SLC1A2: variants seen among roughly 807,000 people sequenced by gnomAD.
The protein encoded by SLC1A2 is solute carrier family 1 member 2.
In SLC1A2, 15 loss-of-function variants were observed where a neutral mutation model predicts 48.8. The ratio of observed to expected loss-of-function variants is 0.31; its 90% CI spans 0.21 to 0.47. The LOEUF is 0.47. Among genes scored for constraint, SLC1A2 ranks in the 20% least tolerant of loss-of-function variants. The probability of loss-of-function intolerance (pLI) is 0.99; values close to 1 mark genes in which losing one functional copy is unlikely to be tolerated. For synonymous variants in SLC1A2, 279 were observed against 272.6 expected, an observed-to-expected ratio of 1.02 and a Z score of -0.23; for missense variants, 502 against 730.5, an observed-to-expected ratio of 0.69 and a Z score of 3.61.
At chr11:35,281,566 A>T (rs2134689269) in intron 8 of SLC1A2, among the ~76,000 whole-genome samples, 1 of 152,338 alleles carries the variant, frequency 6.6e-6, no homozygotes, top group East Asian at 1.9e-4. Context: ...AGGCGCCTGG[A>T]TGCCTCACCA....
At chr11:35,301,133 C>T (rs1269302304) in intron 6 of SLC1A2, among the ~76,000 whole-genome samples, 1 of 152,056 alleles carries the variant, frequency 6.6e-6, no homozygotes, top group African/African-American at 2.4e-5. Context: ...CTTATCAGAC[C>T]CAACCATACT....
chr11:35,350,229 T>G (rs1853197450), intron 1 of SLC1A2, among the ~76,000 whole-genome samples: 1 of 152,216 alleles, frequency 6.6e-6, no homozygotes, highest in Admixed American at 6.5e-5. Flanking sequence ...AGAGGCTGAG[T>G]GAGCTTCTGC....
At chr11:35,358,930 G>C (rs1034033387) in intron 1 of SLC1A2, among the ~76,000 whole-genome samples, 2 of 152,220 alleles carry the variant, frequency 1.3e-5, no homozygotes, top group African/African-American at 4.8e-5. Flanking sequence ...CAAGGACCCA[G>C]AGAATAACAT....
chr11:35,411,426 A>T (rs1855457252), intron 1 of SLC1A2, among the ~76,000 whole-genome samples: 1 of 152,144 alleles, frequency 6.6e-6, no homozygotes, highest in African/African-American at 2.4e-5. Context: ...AATCTATCAG[A>T]TTCCAACTGT....
rs562915438 is a variant in SLC1A2, at chr11:35,256,979, G to A, written c.*3915C>T. The A allele has an allele frequency of 1.2e-4, 18 of 152,186 alleles. No individual in the cohort carries two copies. The highest frequency in any genetic ancestry group is 5.2e-4 in the Admixed American group (8 of 15,284). The allele number at this position is 152,186 out of a possible 1,614,324, so 9.4% of individuals were successfully genotyped here. On this transcript the variant is annotated 3_prime_UTR_variant, in exon 11 of 11. Transcript: ENST00000278379. ...ATGGGAAAATATTGCACAGGTGGCC[G>A]AAGCCTTGATTCTGACAAAAGTAAA... is the stretch of plus-strand genomic sequence containing the variant.
At chr11:35,334,502 G>A (rs143211236) in intron 1 of SLC1A2, among the ~76,000 whole-genome samples, 1 of 152,302 alleles carries the variant, frequency 6.6e-6, no homozygotes, top group Non-Finnish European at 1.5e-5. Context: ...GGTTCCCAGG[G>A]GACAGGTGTG....
At chr11:35,370,217 G>T in intron 1 of SLC1A2, among the ~76,000 whole-genome samples, 1 of 152,224 alleles carries the variant, frequency 6.6e-6, no homozygotes, top group Non-Finnish European at 1.5e-5. Flanking sequence ...CCATTCTTCA[G>T]TTGAGGAAAC....
At chr11:35,330,472 G>A (rs1852390919) in intron 1 of SLC1A2, among the ~76,000 whole-genome samples, 1 of 152,246 alleles carries the variant, frequency 6.6e-6, no homozygotes, top group South Asian at 2.1e-4. Flanking sequence ...TTCTGTACCA[G>A]TGATAGGTAG....
chr11:35,375,788 G>A (rs1854207252), intron 1 of SLC1A2, among the ~76,000 whole-genome samples: 1 of 152,294 alleles, frequency 6.6e-6, no homozygotes, highest in East Asian at 1.9e-4. Context: ...AGCTAAGACA[G>A]ACTGAGTGAT....
chr11:35,324,000 A>G (rs746145925), intron 1 of SLC1A2, among the ~76,000 whole-genome samples: 31 of 152,354 alleles, frequency 2.0e-4, no homozygotes, highest in Non-Finnish European at 4.1e-4. Context: ...TGCTAAACTT[A>G]CCACTAAGTC....
At chr11:35,319,376 A>C (rs1048551224) in intron 1 of SLC1A2, among the ~76,000 whole-genome samples, 1 of 152,226 alleles carries the variant, frequency 6.6e-6, no homozygotes, top group Non-Finnish European at 1.5e-5. Flanking sequence ...CTAAACCAGG[A>C]AATGTCAAAC....
At chr11:35,271,945 T>TA (rs552179173) in intron 9 of SLC1A2, among the ~76,000 whole-genome samples, 150 of 152,078 alleles carry the variant, frequency 9.9e-4, no homozygotes, top group African/African-American at 3.3e-3. Context: ...TCACTATAGG[T>TA]AAAAAATGGA....
intron 1 of SLC1A2, among the ~76,000 whole-genome samples, chr11:35,370,395 C>T (rs751243272): frequency 3.3e-5 from 5 of 152,210 alleles, no homozygotes; most frequent in East Asian, 1.9e-4. Flanking sequence ...TTGTCAGTGC[C>T]GGGCTAAGCC....
At chr11:35,331,168 T>G (rs1365140430) in intron 1 of SLC1A2, among the ~76,000 whole-genome samples, 1 of 152,132 alleles carries the variant, frequency 6.6e-6, no homozygotes, top group Non-Finnish European at 1.5e-5. Context: ...TAGGCTGAAG[T>G]GTTCTGCTCC....
At chr11:35,393,596 G>C (rs776242553) in intron 1 of SLC1A2, among the ~76,000 whole-genome samples, 7 of 152,058 alleles carry the variant, frequency 4.6e-5, no homozygotes, top group Admixed American at 2.6e-4. Flanking sequence ...ATTCTAAACT[G>C]GTGTTCATTG....
At chr11:35,362,584 T>C (rs1219476832) in intron 1 of SLC1A2, among the ~76,000 whole-genome samples, 1 of 152,212 alleles carries the variant, frequency 6.6e-6, no homozygotes, top group Non-Finnish European at 1.5e-5. Flanking sequence ...TGAAAATTAA[T>C]TCCATCAATA....
At chr11:35,401,323 G>A (rs1855133941) in intron 1 of SLC1A2, among the ~76,000 whole-genome samples, 1 of 152,230 alleles carries the variant, frequency 6.6e-6, no homozygotes, top group Admixed American at 6.5e-5. Flanking sequence ...AGCTTTTGCA[G>A]GGCATTTCAA....
At chr11:35,309,513 C>G (rs963049799) in intron 4 of SLC1A2, among the ~76,000 whole-genome samples, 1 of 152,156 alleles carries the variant, frequency 6.6e-6, no homozygotes, top group Non-Finnish European at 1.5e-5. Context: ...AGAAAGCAAG[C>G]TGGAGACCTC....
At chr11:35,314,952 T>G in intron 3 of SLC1A2, 71 bp downstream of exon 3, 1 of 1,112,240 alleles carries the variant, frequency 9.0e-7, no homozygotes, top group East Asian at 2.4e-5. Context: ...CAAATTGAGA[T>G]TCTACAGTTA....
Sources: allele counts gnomAD v4.1 joint callset (sites outside exome capture counted in the v4.1 genomes callset), GRCh38; gene constraint gnomAD v4.1.1; transcripts MANE v1.5; gene names NCBI Gene and HGNC (gene_info 2026-07-23, HGNC 2026-07-21).